Variants in PPAT observed in about 807,000 individuals in gnomAD.
The protein encoded by PPAT is phosphoribosyl pyrophosphate amidotransferase, also known as amidophosphoribosyltransferase.
Under a neutral mutation model 60.2 loss-of-function variants are expected in PPAT, and 20 were observed. The ratio of observed to expected loss-of-function variants is 0.33; its 90% CI spans 0.23 to 0.48. The LOEUF (loss-of-function observed/expected upper bound fraction) is 0.48, where lower values mean the gene tolerates loss of function less well. Ranked by LOEUF, PPAT falls within the 20% of genes least tolerant of loss-of-function variation. PPAT has a pLI of 0.99. For synonymous variants in PPAT, 194 were observed against 215.1 expected (o/e 0.90, Z 0.86); for missense variants, 349 against 629.6 (o/e 0.55, Z 4.77).
At chr4:56,427,507 T>C (rs1417320032) in intron 1 of PPAT, among the ~76,000 whole-genome samples, 2 of 152,046 alleles carry the variant, frequency 1.3e-5, no homozygotes, top group African/African-American at 4.8e-5. Flanking sequence ...TTAAACACAT[T>C]TTCAAATTTC....
intron 1 of PPAT, chr4:56,428,895 C>T (rs1717430408): frequency 1.9e-6 from 1 of 533,206 alleles, no homozygotes; most frequent in Admixed American, 6.4e-5. Context: ...TAATGTGTTT[C>T]AAATGATGTC....
chr4:56,431,733 A>G (rs1306092974), intron 1 of PPAT, among the ~76,000 whole-genome samples: 1 of 152,228 alleles, frequency 6.6e-6, no homozygotes, highest in African/African-American at 2.4e-5. Flanking sequence ...GGAATCTTCA[A>G]ATATGTCCAG....
intron 1 of PPAT, among the ~76,000 whole-genome samples, chr4:56,416,044 T>G (rs1306274880): frequency 2.1e-5 from 3 of 145,124 alleles, no homozygotes; most frequent in Non-Finnish European, 1.5e-5. Flanking sequence ...CACTCCAGCC[T>G]GGGCGACAGA....
At chr4:56,430,190 T>C (rs1420312592) in intron 1 of PPAT, among the ~76,000 whole-genome samples, 1 of 152,198 alleles carries the variant, frequency 6.6e-6, no homozygotes, top group Non-Finnish European at 1.5e-5. Flanking sequence ...GGGGCTTTTT[T>C]GAAAAATTGC....
intron 1 of PPAT, 33 bp downstream of exon 1, chr4:56,435,317 G>A: frequency 6.2e-7 from 1 of 1,611,116 alleles, no homozygotes; most frequent in Non-Finnish European, 8.5e-7. Context: ...AGATGGAGAC[G>A]CACGCCCCCG....
At chr4:56,431,451 C>T in intron 1 of PPAT, 1 of 976,584 alleles carries the variant, frequency 1.0e-6, no homozygotes, top group Non-Finnish European at 1.2e-6. Flanking sequence ...AAGAAAAGTG[C>T]TCCTGAGATC....
In PPAT at chr4:56,394,857, T is replaced by TG. The variant is rs1491006899; in HGVS notation, c.*494_*495insC. The TG allele has an allele frequency of 1.0e-5, 1 of 99,308 alleles. No individual in the cohort carries two copies. Among genetic ancestry groups the TG allele is most frequent in the Non-Finnish European group, 2.1e-5 (1 of 47,916 alleles). 6.2% of individuals were successfully genotyped at this position (99,308 alleles called of 1,614,324 possible). On this transcript the variant is annotated 3_prime_UTR_variant, in exon 11 of 11. Transcript: ENST00000264220. ...CATGTGGGGAAACTGAGGCACCAGATTATTATTATTTTTTTTTAAAGATTT... is the reference window on the plus strand; with the variant it reads ...CATGTGGGGAAACTGAGGCACCAGATGTATTATTATTTTTTTTTAAAGATTT...
chr4:56,403,119 A>T lies in PPAT; in HGVS notation c.582T>A (p.Ile194=). 6.2e-7 allele frequency: 1 copy of T among 1,612,382 alleles called. No homozygotes were observed. The highest frequency in any genetic ancestry group is 8.5e-7 in the Non-Finnish European group (1 of 1,178,456). Residue 194 remains isoleucine (I), a synonymous_variant, in exon 5 of 11, where the codon ATT becomes ATA. Coordinates refer to ENST00000264220, the MANE Select transcript of PPAT (RefSeq NM_002703.5). The part of the protein sequence containing the change: ...YSLLIMHRDV[I]YAVRDPYGNR... ...TTCCATAAGGATCTCGTACTGCATA[A>T]ATAACATCTCTGTGCATTATAAGCA...
intron 1 of PPAT, among the ~76,000 whole-genome samples, chr4:56,418,331 T>A (rs1181827581): frequency 6.6e-6 from 1 of 152,142 alleles, no homozygotes; most frequent in Non-Finnish European, 1.5e-5. Context: ...TTATTTTATC[T>A]TATTTTGAGA....
chr4:56,407,597 C>T, intron 2 of PPAT, 53 bp downstream of exon 2: 3 of 1,432,786 alleles, frequency 2.1e-6, no homozygotes, highest in Non-Finnish European at 3.0e-6. Flanking sequence ...GGATTACAGG[C>T]ATGAACCACC....
intron 1 of PPAT, among the ~76,000 whole-genome samples, chr4:56,412,986 T>G (rs2110047127): frequency 7.2e-6 from 1 of 139,158 alleles, no homozygotes; most frequent in Admixed American, 7.9e-5. Context: ...AATTAATGGT[T>G]CCATAATATT....
At chr4:56,414,884 T>C (rs559348921) in intron 1 of PPAT, among the ~76,000 whole-genome samples, 1 of 152,328 alleles carries the variant, frequency 6.6e-6, no homozygotes, top group Admixed American at 6.5e-5. Flanking sequence ...CTCGACAACA[T>C]TTTAGCCTAA....
intron 1 of PPAT, among the ~76,000 whole-genome samples, chr4:56,417,988 C>T (rs1274829494): frequency 6.6e-6 from 1 of 151,740 alleles, no homozygotes; most frequent in Admixed American, 6.6e-5. Flanking sequence ...TACAGGTGTG[C>T]ACCACACACC....
chr4:56,420,945 GTCT>G (rs1301535980), intron 1 of PPAT: 1 of 147,660 alleles, frequency 6.8e-6, no homozygotes, highest in Non-Finnish European at 1.5e-5. Flanking sequence ...GTAACCAAGT[GTCT>G]TCTCTAGACC....
intron 1 of PPAT, among the ~76,000 whole-genome samples, chr4:56,411,385 T>C (rs1716454313): frequency 6.6e-6 from 1 of 152,244 alleles, no homozygotes; most frequent in Admixed American, 6.5e-5. Flanking sequence ...CACTATTTCA[T>C]TACTTGTTTA....
chr4:56,399,997 A>G (rs1032482202), intron 8 of PPAT: 2 of 152,270 alleles, frequency 1.3e-5, no homozygotes, highest in Admixed American at 1.3e-4. Flanking sequence ...ACTTAGTAGC[A>G]AGCAAATATT....
intron 1 of PPAT, chr4:56,421,604 T>C (rs1578131700): frequency 6.6e-6 from 1 of 152,162 alleles, no homozygotes; most frequent in Non-Finnish European, 1.5e-5. Flanking sequence ...TGAGTCCCAA[T>C]TGTAAGACAG....
chr4:56,434,907 C>T (rs1321563198), intron 1 of PPAT, among the ~76,000 whole-genome samples: 2 of 152,228 alleles, frequency 1.3e-5, no homozygotes, highest in Non-Finnish European at 2.9e-5. Context: ...TGGTTGGAGG[C>T]CCCGCGCGAA....
chr4:56,427,584 A>T (rs1560650121), intron 1 of PPAT, among the ~76,000 whole-genome samples: 1 of 151,482 alleles, frequency 6.6e-6, no homozygotes, highest in Admixed American at 6.6e-5. Flanking sequence ...AGGCAGGAGG[A>T]TCGCTTGAGC....
Sources: allele counts gnomAD v4.1 joint callset (sites outside exome capture counted in the v4.1 genomes callset), GRCh38; gene constraint gnomAD v4.1.1; transcripts MANE v1.5; gene names NCBI Gene and HGNC (gene_info 2026-07-23, HGNC 2026-07-21).